MYH3: variants seen among roughly 807,000 people sequenced by gnomAD.
MYH3 encodes the protein myosin heavy chain 3, also known as myosin-3.
A neutral mutation model predicts 238.0 loss-of-function variants in MYH3; 130 were observed. The observed-to-expected ratio is 0.55, with a 90% confidence interval of 0.47 to 0.63. The LOEUF (loss-of-function observed/expected upper bound fraction) is 0.63, where lower values mean the gene tolerates loss of function less well. Ranked by LOEUF, MYH3 falls within the 30% of genes least tolerant of loss-of-function variation. MYH3 has a pLI of 0.00. For synonymous variants in MYH3, 880 were observed against 924.1 expected, an observed-to-expected ratio of 0.95 and a Z score of 0.86; for missense variants, 1,853 against 2,374.9, an observed-to-expected ratio of 0.78 and a Z score of 4.57.
intron 4 of MYH3, 49 bp downstream of exon 4, chr17:10,652,370 GC>G: frequency 6.2e-7 from 1 of 1,604,300 alleles, no homozygotes; most frequent in Non-Finnish European, 8.5e-7. Flanking sequence ...TCCCTCCCCT[GC>G]CCGCATATCT....
chr17:10,639,892 A>G (rs903427942), intron 22 of MYH3, 90 bp from the exon 23 acceptor site: 1 of 1,592,358 alleles, frequency 6.3e-7, no homozygotes, highest in Non-Finnish European at 8.5e-7. Flanking sequence ...TTTATGAAGC[A>G]TTTCAACTAA....
chr17:10,638,417 G>T lies in MYH3; in HGVS notation c.3355C>A (p.Leu1119Met), dbSNP rs749498434. ...CTCTCCGCCTCTATCTCCTCTTCCA[G>T]CTCCTCAATTCGAGCCTGTGGAGGG... ...IKELQARIEE[L>M]EEEIEAERAT... is the part of the protein sequence containing the mutation. Residue 1119 changes from leucine to methionine, a missense_variant, in exon 27 of 41, where the codon CTG (leucine) becomes ATG (methionine). Physicochemically the swap from Leu to Met is conservative, Grantham distance 15. Coordinates refer to ENST00000583535, the MANE Select transcript of MYH3 (RefSeq NM_002470.4). The T allele has an allele frequency of 6.2e-7, 1 of 1,600,226 alleles. No homozygotes were observed. The highest frequency in any genetic ancestry group is 2.2e-5 in the East Asian group (1 of 44,828).
chr17:10,652,286 T>G, intron 4 of MYH3, 134 bp downstream of exon 4: 2 of 1,150,782 alleles, frequency 1.7e-6, no homozygotes, highest in East Asian at 2.4e-5. Context: ...TTCTCCTCCG[T>G]CTTTGTGTTT....
the MYH3 span, among the ~76,000 whole-genome samples, chr17:10,665,385 C>T: frequency 6.6e-6 from 1 of 152,088 alleles, no homozygotes. Context: ...TCCAGTAGTC[C>T]GCCCGCCTTG....
chr17:10,653,884 C>T (rs1341184042), intron 3 of MYH3, among the ~76,000 whole-genome samples: 1 of 152,162 alleles, frequency 6.6e-6, no homozygotes, highest in Non-Finnish European at 1.5e-5. Context: ...GTTAGCAGCC[C>T]ATTCTTAGCT....
chr17:10,668,389 TTCTA>T, the MYH3 span, among the ~76,000 whole-genome samples: 2 of 152,206 alleles, frequency 1.3e-5, no homozygotes, highest in African/African-American at 2.4e-5. Flanking sequence ...AGGGAGACTC[TTCTA>T]TCTATCTACC....
chr17:10,677,381 C>A, the MYH3 span: 1 of 152,044 alleles, frequency 6.6e-6, no homozygotes, highest in Non-Finnish European at 1.5e-5. Context: ...AACAAATGCT[C>A]GCATGGGTGA....
At chr17:10,668,463 GAT>G in the MYH3 span, among the ~76,000 whole-genome samples, 1 of 152,066 alleles carries the variant, frequency 6.6e-6, no homozygotes, top group Non-Finnish European at 1.5e-5. Flanking sequence ...AGATCAAAGA[GAT>G]AGAACAAAAT....
chr17:10,671,310 TTC>T, the MYH3 span, among the ~76,000 whole-genome samples: 13 of 152,174 alleles, frequency 8.5e-5, no homozygotes, highest in African/African-American at 3.1e-4. Context: ...ATATCTATGA[TTC>T]TGTTAATAAA....
At chr17:10,639,935 TC>T (rs2074252834) in intron 22 of MYH3, 60 bp downstream of exon 22, 2 of 1,591,830 alleles carry the variant, frequency 1.3e-6, no homozygotes, top group African/African-American at 1.4e-5. Context: ...ACTCAATTTT[TC>T]TAAATAAATA....
In MYH3 at chr17:10,632,740, A is replaced by G; in HGVS notation, c.4692T>C (p.Leu1564=). Residue 1564 remains leucine (L), a synonymous_variant, in exon 34 of 41, where the codon CTT becomes CTC. Transcript: ENST00000583535. ...TTTCTGATTTCACTTGTGTCAATTCAAGCTGGATTCGGAGGATCTTGGCTT... is the reference window on the plus strand; with the variant it reads ...TTTCTGATTTCACTTGTGTCAATTCGAGCTGGATTCGGAGGATCTTGGCTT... ...HEEAKILRIQ[L]ELTQVKSEID... The G allele has an allele frequency of 6.2e-7, 1 of 1,614,228 alleles. No homozygotes were observed.
chr17:10,639,806 A>G lies in MYH3; in HGVS notation c.2683-4T>C, dbSNP rs182229640. The G allele has an allele frequency of 7.3e-4, 995 of 1,370,144 alleles. 4 individuals carry two copies. The African/African-American group carries it at 0.01, about 14-fold the overall frequency. 84.9% of individuals were successfully genotyped at this position (1,370,144 alleles called of 1,614,324 possible). ...CATCCAACAAATTTTCGCTTTCCTT[A>G]AAAAAAAAAGAATAATAACTTCGTT... On this transcript the variant is annotated splice_region_variant and splice_polypyrimidine_tract_variant and intron_variant, in intron 22 of 40. Coordinates refer to ENST00000583535, the MANE Select transcript of MYH3 (RefSeq NM_002470.4).
chr17:10,636,880 C>T (rs1361717524), intron 28 of MYH3, among the ~76,000 whole-genome samples: 2 of 151,292 alleles, frequency 1.3e-5, no homozygotes, highest in Non-Finnish European at 2.9e-5. Context: ...CACAATTGCA[C>T]TCCAGCCTGG....
At chr17:10,658,623 A>G (rs2074458043), upstream of MYH3, 1 of 152,274 alleles carries the variant, frequency 6.6e-6, no homozygotes, top group Non-Finnish European at 1.5e-5. Context: ...ACATTGAAGC[A>G]ACAAGTTTAT....
rs17817203 is a variant in MYH3, at chr17:10,655,059, A to G, written c.6T>C (p.Ser2=). ...CGAACACTTCCATTTCAGTGTCACTACTCATGGTGTCAGCTGGAAGGCAAA... is the reference window on the plus strand; with the variant it reads ...CGAACACTTCCATTTCAGTGTCACTGCTCATGGTGTCAGCTGGAAGGCAAA... M[S]SDTEMEVFGI... The change falls in exon 3 of 41, where the codon AGT becomes AGC. Residue 2 remains serine, a synonymous_variant. Coordinates refer to ENST00000583535, the MANE Select transcript of MYH3 (RefSeq NM_002470.4). The G allele has an allele frequency of 0.02, 32,878 of 1,613,930 alleles. 359 individuals carry two copies. The highest frequency in any genetic ancestry group is 0.03 in the African/African-American group (2,257 of 74,966).
At chr17:10,650,077 T>C (rs898761784) in intron 6 of MYH3, among the ~76,000 whole-genome samples, 1 of 152,176 alleles carries the variant, frequency 6.6e-6, no homozygotes, top group Non-Finnish European at 1.5e-5. Flanking sequence ...GTTCACGCCA[T>C]TCTCCTGCCT....
chr17:10,641,424 G>C (rs1449311535), intron 17 of MYH3, 52 bp from the exon 18 acceptor site: 6 of 1,269,096 alleles, frequency 4.7e-6, no homozygotes, highest in Non-Finnish European at 6.9e-6. Flanking sequence ...TTTTTATGAA[G>C]ACAGAGATCC....
chr17:10,668,577 TGAA>T, the MYH3 span, among the ~76,000 whole-genome samples: 3 of 152,270 alleles, frequency 2.0e-5, no homozygotes, highest in Admixed American at 1.3e-4. Context: ...GGGGACAAAT[TGAA>T]GAAATTTGAA....
At chr17:10,640,737 C>A in intron 19 of MYH3, 51 bp from the exon 20 acceptor site, 3 of 1,599,836 alleles carry the variant, frequency 1.9e-6, no homozygotes, top group South Asian at 2.2e-5. Context: ...AGACACAAAC[C>A]TTGGAGAACA....
Sources: gnomAD v4.1 joint callset for allele counts (sites outside exome capture counted in the v4.1 genomes callset) on GRCh38, gnomAD v4.1.1 for gene constraint, MANE v1.5 for transcripts, NCBI Gene and HGNC (gene_info 2026-07-23, HGNC 2026-07-21) for gene names.